Variants in PLEKHM1 observed in about 807,000 individuals in gnomAD.
PLEKHM1 encodes the protein pleckstrin homology domain-containing family M member 1.
PLEKHM1 carries 28 observed loss-of-function variants against 94.3 expected under a neutral mutation model. The observed-to-expected ratio is 0.30, with a 90% CI of 0.22 to 0.41. PLEKHM1 has a LOEUF of 0.41. PLEKHM1 is among the 10% of genes least tolerant of loss of function. The probability of loss-of-function intolerance (pLI) is 1.00; values close to 1 mark genes in which losing one functional copy is unlikely to be tolerated. For missense variants in PLEKHM1, 907 were observed against 1,358.6 expected, an observed-to-expected ratio of 0.67 and a Z score of 5.22; for synonymous variants, 424 against 581.2, an observed-to-expected ratio of 0.73 and a Z score of 3.89.
chr17:45,451,874 A>G (rs1487915153), intron 7 of PLEKHM1, among the ~76,000 whole-genome samples: 1 of 152,244 alleles, frequency 6.6e-6, no homozygotes, highest in Non-Finnish European at 1.5e-5. Context: ...CAGGCTGAAG[A>G]GCAAAGTGTG....
chr17:45,451,400 C>A (rs1422267561), intron 7 of PLEKHM1, among the ~76,000 whole-genome samples: 1 of 152,050 alleles, frequency 6.6e-6, no homozygotes, highest in Non-Finnish European at 1.5e-5. Context: ...TGGGATGTGC[C>A]CTGGGCAAAA....
intron 5 of PLEKHM1, among the ~76,000 whole-genome samples, chr17:45,464,258 G>C (rs2051247775): frequency 6.6e-6 from 1 of 152,174 alleles, no homozygotes; most frequent in South Asian, 2.1e-4. Context: ...TGTCCCCAAA[G>C]GGCCTTTGTC....
chr17:45,485,740 A>AC (rs924027111), intron 1 of PLEKHM1, among the ~76,000 whole-genome samples: 3 of 151,126 alleles, frequency 2.0e-5, no homozygotes, highest in African/African-American at 7.3e-5. Context: ...TCTAATTAAA[A>AC]AAAAAAACAA....
intron 4 of PLEKHM1, 143 bp from the exon 5 acceptor site, chr17:45,468,736 C>G: frequency 2.4e-6 from 2 of 845,146 alleles, no homozygotes; most frequent in Non-Finnish European, 3.8e-6. Flanking sequence ...TGCACTCCCC[C>G]TCACGCAGTC....
chr17:45,434,785 T>C (rs117218263), downstream of PLEKHM1, among the ~76,000 whole-genome samples: 161 of 152,108 alleles, frequency 1.1e-3, 5 homozygotes, highest in East Asian at 0.029. Context: ...TGATAAGCTC[T>C]TGGGGGTTGG....
intron 10 of PLEKHM1, 145 bp downstream of exon 10, chr17:45,440,018 G>T: frequency 2.5e-6 from 2 of 799,786 alleles, no homozygotes; most frequent in East Asian, 5.2e-5. Flanking sequence ...GGGCAGCAGG[G>T]CAACCCACCC....
In PLEKHM1 at chr17:45,468,520, G is replaced by A; in HGVS notation, c.997C>T (p.Pro333Ser). The change falls in exon 5 of 12, where the codon CCC becomes TCC. Residue 333 changes from proline (P) to serine (S), a missense_variant. Physicochemically the swap from Pro to Ser is moderately conservative, Grantham distance 74 (BLOSUM62 -1). Coordinates refer to ENST00000430334, the MANE Select transcript of PLEKHM1 (RefSeq NM_014798.3). ...TNGLSQETEI[P>S]TPQASLSLHG... ...AGGGAGAGCGAGGCCTGTGGTGTGG[G>A]GATCTCTGTTTCTTGGCTCAGTCCG... The A allele has an allele frequency of 1.2e-6, 2 of 1,614,182 alleles. No individual in the cohort carries two copies. Among genetic ancestry groups the A allele is most frequent in the South Asian group, 1.1e-5 (1 of 91,088 alleles).
chr17:45,476,961 T>A (rs531284747), intron 3 of PLEKHM1: 1 of 152,286 alleles, frequency 6.6e-6, no homozygotes, highest in South Asian at 2.1e-4. Context: ...AGAAAGCCAG[T>A]GTCACCCAGG....
Position 45,475,445 on chromosome 17 carries a change from A to G in PLEKHM1, c.578T>C (p.Leu193Ser). The change falls in exon 4 of 12, where the codon TTG becomes TCG. Residue 193 changes from leucine (L) to serine (S), a missense_variant. Around this residue, in one of 3 missense-constraint regions of PLEKHM1, gnomAD observed 176 missense variants for 306.0 expected, o/e 0.58. Coordinates refer to ENST00000430334, the MANE Select transcript of PLEKHM1 (RefSeq NM_014798.3). The part of the protein sequence containing the change: ...AILNEWTLTP[L>S]ALSGLCPLSE... ...AAGCGGGCAAAGCCCAGACAGGGCC[A>G]ATGGGGTGAGCGTCCACTCATTTAA... 1 of 1,603,572 alleles carries G rather than the reference A, an allele frequency of 6.2e-7. No individual in the cohort carries two copies. The highest frequency in any genetic ancestry group is 8.5e-7 in the Non-Finnish European group (1 of 1,170,526).
At chr17:45,471,765 A>G (rs1415420565) in intron 4 of PLEKHM1, among the ~76,000 whole-genome samples, 1 of 152,216 alleles carries the variant, frequency 6.6e-6, no homozygotes, top group Non-Finnish European at 1.5e-5. Context: ...CAAAAAATAA[A>G]TAAAATATTG....
chr17:45,485,447 A>G (rs893048389), intron 1 of PLEKHM1, among the ~76,000 whole-genome samples: 11 of 152,066 alleles, frequency 7.2e-5, no homozygotes, highest in African/African-American at 2.7e-4. Context: ...CAGGGCCGGG[A>G]CCCTAAGGAC....
At chr17:45,483,545 T>A (rs1474933403) in intron 1 of PLEKHM1, among the ~76,000 whole-genome samples, 7 of 151,830 alleles carry the variant, frequency 4.6e-5, no homozygotes, top group Admixed American at 4.6e-4. Flanking sequence ...GCAGGCACAT[T>A]CACACGTAAA....
Position 45,436,777 on chromosome 17 carries a change from G to A in PLEKHM1, c.*1081C>T, listed in dbSNP as rs1208327542. 2.2e-6 allele frequency: 1 copy of A among 454,166 alleles called. No individual in the cohort carries two copies. The highest frequency in any genetic ancestry group is 6.9e-5 in the East Asian group (1 of 14,404). The allele number at this position is 454,166 out of a possible 1,614,324, so 28.1% of individuals were successfully genotyped here. ...ATGCTTTGGGAATTCATGGCTTTGTGAGGTGGTGGCTGCATCCACAGGGCA... is the reference window on the plus strand; with the variant it reads ...ATGCTTTGGGAATTCATGGCTTTGTAAGGTGGTGGCTGCATCCACAGGGCA... On this transcript the variant is annotated 3_prime_UTR_variant, in exon 12 of 12. Transcript: ENST00000430334.
intron 1 of PLEKHM1, among the ~76,000 whole-genome samples, chr17:45,482,804 C>G (rs886316662): frequency 1.3e-5 from 2 of 152,008 alleles, no homozygotes; most frequent in Non-Finnish European, 2.9e-5. Context: ...CAAATGCTGC[C>G]CAGAAAGCCA....
At chr17:45,452,132 G>T (rs1473604645) in intron 7 of PLEKHM1, among the ~76,000 whole-genome samples, 1 of 152,158 alleles carries the variant, frequency 6.6e-6, no homozygotes, top group Non-Finnish European at 1.5e-5. Flanking sequence ...CCATGGTGAT[G>T]GGATGCCATC....
rs2050272369 is a variant in PLEKHM1 at position 45,436,837 on chromosome 17, G to T, written c.*1021C>A. On this transcript the variant is annotated 3_prime_UTR_variant, in exon 12 of 12. Coordinates refer to ENST00000430334, the MANE Select transcript of PLEKHM1 (RefSeq NM_014798.3). ...CACGCCCTGCACAGCTTAGGACCAGGTCACTTCTCCACAGTGCAGGGCGTG... is the reference window on the plus strand; with the variant it reads ...CACGCCCTGCACAGCTTAGGACCAGTTCACTTCTCCACAGTGCAGGGCGTG... 1 of 454,164 alleles carries T rather than the reference G, an allele frequency of 2.2e-6. No homozygotes were observed. Among genetic ancestry groups the T allele is most frequent in the African/African-American group, 2.0e-5 (1 of 50,136 alleles). 28.1% of individuals were successfully genotyped at this position (454,164 alleles called of 1,614,324 possible). A position where few individuals can be genotyped will look rare whatever the true frequency, so the allele number is the denominator to read the frequency against.
intron 1 of PLEKHM1, among the ~76,000 whole-genome samples, chr17:45,482,854 G>C (rs2051998696): frequency 6.6e-6 from 1 of 151,758 alleles, no homozygotes; most frequent in Non-Finnish European, 1.5e-5. Flanking sequence ...GGGAACGACA[G>C]GCTGATTCAG....
intron 9 of PLEKHM1, among the ~76,000 whole-genome samples, chr17:45,443,669 G>T (rs2050516307): frequency 6.6e-6 from 1 of 151,660 alleles, no homozygotes; most frequent in Non-Finnish European, 1.5e-5. Context: ...ACAGGCATCT[G>T]GTCTACACAG....
rs145169203 is a variant in PLEKHM1 at position 45,454,402 on chromosome 17, C to T, written c.1580-130G>A. 3.3e-3 allele frequency: 2,661 copies of T among 807,066 alleles called. 54 individuals carry two copies. In the African/African-American group the frequency reaches 0.04, roughly 12 times the overall value. 50.0% of individuals were successfully genotyped at this position (807,066 alleles called of 1,614,324 possible). A position where few individuals can be genotyped will look rare whatever the true frequency, so the allele number is the denominator to read the frequency against. ...CTGTCCCCAGAACACAGGCCAGCCA[C>T]GGGGCACTATCACATGGGACCCTGA... On this transcript the variant is annotated intron_variant, in intron 6 of 11. Coordinates refer to ENST00000430334, the MANE Select transcript of PLEKHM1 (RefSeq NM_014798.3).
Sources: gnomAD v4.1 joint callset for allele counts (sites outside exome capture counted in the v4.1 genomes callset) on GRCh38, gnomAD v4.1.1 for gene constraint, gnomAD v4.1.1 regional missense constraint, MANE v1.5 for transcripts, NCBI Gene and HGNC (gene_info 2026-07-23, HGNC 2026-07-21) for gene names.